The following NHSL1 variants were observed in gnomAD, a reference collection of about 807,000 sequenced individuals.
NHSL1 encodes the protein NHS like 1.
A neutral mutation model predicts 95.0 loss-of-function variants in NHSL1; 48 were observed. The observed-to-expected ratio is 0.51, with a 90% CI of 0.40 to 0.64. The LOEUF is 0.64. Ranked by LOEUF, NHSL1 falls within the 30% of genes least tolerant of loss-of-function variation. NHSL1 has a pLI of 0.00. For missense variants in NHSL1, 1,971 were observed against 2,077.7 expected (o/e 0.95, Z 1.00); for synonymous variants, 783 against 833.9 (o/e 0.94, Z 1.05).
chr6:138,457,403 A>C (rs1000316707), intron 3 of NHSL1, among the ~76,000 whole-genome samples: 1 of 152,122 alleles, frequency 6.6e-6, no homozygotes, highest in Admixed American at 6.5e-5. Context: ...GGTGTTTCAC[A>C]TTAGGATAAT....
chr6:138,642,806 G>C (rs571559202), intron 1 of NHSL1, among the ~76,000 whole-genome samples: 2 of 152,230 alleles, frequency 1.3e-5, no homozygotes, highest in South Asian at 4.1e-4. Context: ...AGTGATGTAG[G>C]CACATGCAGA....
chr6:138,690,196 AAATGGCAGAACAACTTCAAACTGT>A (rs1412096776), intron 1 of NHSL1, among the ~76,000 whole-genome samples: 10 of 152,252 alleles, frequency 6.6e-5, no homozygotes, highest in Non-Finnish European at 1.5e-4. Flanking sequence ...GACCTGCCTA[AAATGGCAGAACAACTTCAAACTGT>A]AGTTTTTACA....
In NHSL1 at chr6:138,673,031, GTAGATAGATAGATAGA is replaced by G. The variant is rs113615261; in HGVS notation, c.96+19429_96+19444del. Among the ~76,000 whole-genome samples the G allele has an allele frequency of 1.2e-4, 18 of 148,166 alleles. No homozygotes were observed. The South Asian group carries it at 2.6e-3, about 21-fold the overall frequency. ...GTCTCATAGATAGCTAGATAGATAG[GTAGATAGATAGATAGA>G]TAGATAGATAGATAGATAATGTTTC... On this transcript the variant is annotated intron_variant, in intron 1 of 3. Transcript: ENST00000491526.
intron 3 of NHSL1, among the ~76,000 whole-genome samples, chr6:138,462,628 T>G (rs1778072940): frequency 6.6e-6 from 1 of 152,086 alleles, no homozygotes; most frequent in Admixed American, 6.6e-5. Context: ...GTTTGGAGAT[T>G]TGAGAAGGTG....
intron 3 of NHSL1, among the ~76,000 whole-genome samples, chr6:138,457,073 G>T (rs1257836779): frequency 1.3e-5 from 2 of 152,100 alleles, no homozygotes; most frequent in African/African-American, 4.8e-5. Context: ...TAGAGACAGG[G>T]TTTCACCATG....
chr6:138,433,798 T>G (rs777997202), intron 5 of NHSL1, 118 bp from the exon 6 acceptor site: 42 of 1,378,462 alleles, frequency 3.0e-5, no homozygotes, highest in Non-Finnish European at 3.9e-5. Context: ...TTAATTTCCT[T>G]TCTCCTGTAG....
chr6:138,424,879 A>T lies in NHSL1; in HGVS notation c.4086-63T>A. The T allele has an allele frequency of 7.4e-7, 1 of 1,344,002 alleles. No individual in the cohort carries two copies. The allele number at this position is 1,344,002 out of a possible 1,614,324, so 83.3% of individuals were successfully genotyped here. ...ACGGGACCACAGGCTGTCAGCCACA[A>T]CCACTCTGCTCTTATCGCATCTTCA... On this transcript the variant is annotated intron_variant, in intron 7 of 7. Transcript: ENST00000343505. The surrounding 1 kb of genome is among the most constrained non-coding windows in gnomAD (Gnocchi z 5.9).
chr6:138,582,749 C>A (rs188558882), intron 1 of NHSL1, among the ~76,000 whole-genome samples: 1 of 152,304 alleles, frequency 6.6e-6, no homozygotes, highest in East Asian at 1.9e-4. Flanking sequence ...AGGCACACCA[C>A]GCTCCATGCC....
At chr6:138,633,425 T>A (rs1784847910) in intron 1 of NHSL1, among the ~76,000 whole-genome samples, 1 of 151,798 alleles carries the variant, frequency 6.6e-6, no homozygotes, top group African/African-American at 2.4e-5. Context: ...AAAGAAAAGA[T>A]CCTAAAAGCA....
rs138275901 is a variant in NHSL1 at position 138,680,157 on chromosome 6, T to G, written c.96+12319A>C. ...ATAGTGGGTTACGTAATTCAATGAT[T>G]ATGTGTCTGAGTCTATACTTATGAA... On this transcript the variant is annotated intron_variant, in intron 1 of 3. Transcript: ENST00000491526. 1.9e-3 allele frequency among the ~76,000 whole-genome samples: 287 copies of G among 152,304 alleles called. 2 individuals are homozygous for G. The highest frequency in any genetic ancestry group is 6.5e-3 in the African/African-American group (272 of 41,566).
upstream of NHSL1, among the ~76,000 whole-genome samples, chr6:138,503,880 T>A (rs60045896): frequency 0.089 from 13,597 of 152,134 alleles, 1,913 homozygotes; most frequent in African/African-American, 0.3. Context: ...ATTAGGACTA[T>A]CATCTTTTTT....
At chr6:138,523,806 C>T (rs1781792415) in intron 1 of NHSL1, among the ~76,000 whole-genome samples, 1 of 152,142 alleles carries the variant, frequency 6.6e-6, no homozygotes, top group African/African-American at 2.4e-5. Flanking sequence ...AGCCCAAATC[C>T]TATGCCATAG....
intron 1 of NHSL1, among the ~76,000 whole-genome samples, chr6:138,586,878 T>C (rs1784143066): frequency 6.6e-6 from 1 of 151,946 alleles, no homozygotes; most frequent in Admixed American, 6.6e-5. Context: ...AGTGCTTTCA[T>C]TCTCACCCAT....
At chr6:138,603,677 C>T (rs1176370238) in intron 1 of NHSL1, among the ~76,000 whole-genome samples, 2 of 152,156 alleles carry the variant, frequency 1.3e-5, no homozygotes, top group Admixed American at 6.5e-5. Flanking sequence ...GTCCAAACTC[C>T]CCTTCTCGTA....
rs1052670722 is a variant in NHSL1, at chr6:138,586,964, G to A, written c.97-90593C>T. ...GGGTAGAGTGGGTTTGAGTTTTCTC[G>A]TTGGGCGCGTGTGTTTTTTTTGGGT... On this transcript the variant is annotated intron_variant, in intron 1 of 3. Coordinates refer to the NHSL1 transcript ENST00000491526. Among the ~76,000 whole-genome samples, 10 of 151,878 alleles carry A rather than the reference G, an allele frequency of 6.6e-5. No individual in the cohort carries two copies. The South Asian group carries it at 8.4e-4, about 13-fold the overall frequency.
chr6:138,580,494 GGGC>G (rs1784037023), intron 1 of NHSL1, among the ~76,000 whole-genome samples: 1 of 152,132 alleles, frequency 6.6e-6, no homozygotes, highest in South Asian at 2.1e-4. Flanking sequence ...TGGCTCTCTG[GGGC>G]GGGGATGAGG....
intron 1 of NHSL1, among the ~76,000 whole-genome samples, chr6:138,618,126 C>T (rs533013539): frequency 2.6e-5 from 4 of 152,258 alleles, no homozygotes; most frequent in Admixed American, 1.3e-4. Flanking sequence ...AGAGACCTTC[C>T]TGCAGGGAAA....
intron 7 of NHSL1, among the ~76,000 whole-genome samples, chr6:138,425,525 A>G (rs1389210524): frequency 6.6e-6 from 1 of 152,038 alleles, no homozygotes; most frequent in Non-Finnish European, 1.5e-5. Flanking sequence ...TTTTGTCTCC[A>G]CCCTCCCTAT....
rs887289117 is a variant in NHSL1, at chr6:138,447,160, T to C, written c.373A>G (p.Ile125Val). Residue 125 changes from isoleucine to valine, a missense_variant, in exon 4 of 8, where the codon ATT becomes GTT. By Grantham distance (29) the Ile-to-Val change is conservative (BLOSUM62 3). Coordinates refer to ENST00000343505, the MANE Select transcript of NHSL1 (RefSeq NM_001144060.2). Reference sequence around the variant, plus strand: ...GGTGTTTTAGGTCTCCTGATGGAAATAAATCTTTCTTCTTCTGATGAAGAC... The same window carrying C: ...GGTGTTTTAGGTCTCCTGATGGAAACAAATCTTTCTTCTTCTGATGAAGAC... ...SLSSSEEERF[I>V]SIRRPKTPAS... 85 of 1,551,400 alleles carry C rather than the reference T, an allele frequency of 5.5e-5. No homozygotes were observed. Among genetic ancestry groups the C allele is most frequent in the Non-Finnish European group, 6.5e-5 (75 of 1,147,010 alleles).
Sources: allele counts gnomAD v4.1 joint callset (sites outside exome capture counted in the v4.1 genomes callset), GRCh38; gene constraint gnomAD v4.1.1; non-coding constraint Gnocchi (gnomAD v3.1); transcripts MANE v1.5; gene names NCBI Gene and HGNC (gene_info 2026-07-23, HGNC 2026-07-21).